The following L3MBTL2 variants were observed in gnomAD, a reference collection of about 807,000 sequenced individuals.
L3MBTL2 encodes the protein lethal(3)malignant brain tumor-like protein 2.
A neutral mutation model predicts 86.4 loss-of-function variants in L3MBTL2; 49 were observed. The ratio of observed to expected loss-of-function variants is 0.57; its 90% confidence interval spans 0.45 to 0.72. The LOEUF (loss-of-function observed/expected upper bound fraction) is 0.72, where lower values mean the gene tolerates loss of function less well. L3MBTL2 is among the 30% of genes least tolerant of loss of function. The pLI is 0.00. For missense variants in L3MBTL2, 755 were observed against 923.7 expected (o/e 0.82, Z 2.37); for synonymous variants, 336 against 350.6 (o/e 0.96, Z 0.47).
intron 1 of L3MBTL2, among the ~76,000 whole-genome samples, chr22:41,207,483 A>G (rs963937027): frequency 6.6e-6 from 1 of 151,868 alleles, no homozygotes; most frequent in Non-Finnish European, 1.5e-5. Flanking sequence ...TCGGCCTCCC[A>G]AAGTGCTGGG....
At chr22:41,220,652 C>T (rs537357841) in intron 6 of L3MBTL2, 82 bp from the exon 7 acceptor site, 20 of 1,406,672 alleles carry the variant, frequency 1.4e-5, no homozygotes, top group Middle Eastern at 2.5e-4. Context: ...AGCAAGACTT[C>T]GTCTCAGAAA....
intron 12 of L3MBTL2, 123 bp from the exon 13 acceptor site, chr22:41,226,539 G>C: frequency 2.7e-6 from 2 of 736,668 alleles, no homozygotes; most frequent in Non-Finnish European, 4.9e-6. Flanking sequence ...GAAGAAGGCT[G>C]CTGGGGAGAC....
At position 41,224,212 on chromosome 22, in the gene L3MBTL2, G is replaced by A; in HGVS notation, c.1135G>A (p.Gly379Ser). The part of the protein sequence containing the change: ...HMWSPLIHPV[G>S]WSRRVGHGIK... ...GTGGAGCCCCCTGATCCACCCAGTG[G>A]GTTGGTCACGACGTGTGGGCCACGG... Residue 379 changes from glycine to serine, a missense_variant, in exon 9 of 17, where the codon GGT becomes AGT. Physicochemically the swap from Gly to Ser is moderately conservative, Grantham distance 56 (BLOSUM62 0). Around this residue, in one of 3 missense-constraint regions of L3MBTL2, gnomAD observed 634 missense variants for 748.9 expected, o/e 0.85. Transcript: ENST00000216237. This position sits in a 1 kb window ranked among gnomAD's most constrained non-coding sequence, Gnocchi z 4.9. 8 of 1,613,844 alleles carry A rather than the reference G, an allele frequency of 5.0e-6. No homozygotes were observed. Among genetic ancestry groups the A allele is most frequent in the Non-Finnish European group, 6.8e-6 (8 of 1,179,858 alleles).
Position 41,227,391 on chromosome 22 carries a change from C to T in L3MBTL2, c.1822+68C>T. On this transcript the variant is annotated intron_variant, in intron 14 of 16. Coordinates refer to ENST00000216237, the MANE Select transcript of L3MBTL2 (RefSeq NM_031488.5). The surrounding 1 kb of genome is among the most constrained non-coding windows in gnomAD (Gnocchi z 6.0). The stretch of plus-strand genomic sequence containing the variant: ...TCTTCTTTTTTCCTTCTTCCCCCGC[C>T]CCTGTGCCCATCTCCGTTCTTTGGC... 1 of 1,436,708 alleles carries T rather than the reference C, an allele frequency of 7.0e-7. No homozygotes were observed. The highest frequency in any genetic ancestry group is 9.6e-7 in the Non-Finnish European group (1 of 1,044,524). The allele number at this position is 1,436,708 out of a possible 1,614,324, so 89.0% of individuals were successfully genotyped here. A position where few individuals can be genotyped will look rare whatever the true frequency, so the allele number is the denominator to read the frequency against.
In L3MBTL2 at chr22:41,224,713, TCTC is replaced by T. The variant is rs770771985; in HGVS notation, c.1175-7_1175-5del. The T allele has an allele frequency of 2.5e-6, 4 of 1,607,534 alleles. No individual in the cohort carries two copies. In the African/African-American group the frequency reaches 4.0e-5, roughly 16 times the overall value. ...CCTTCTCTCCCTCATTCCCTATCCATCTCCTCCAAAGAGAGGCGAAGTGACATG... is the reference window on the plus strand; with the variant it reads ...CCTTCTCTCCCTCATTCCCTATCCATCTCCAAAGAGAGGCGAAGTGACATG... On this transcript the variant is annotated splice_polypyrimidine_tract_variant and intron_variant, in intron 9 of 16. Coordinates refer to ENST00000216237, the MANE Select transcript of L3MBTL2 (RefSeq NM_031488.5). The surrounding 1 kb of genome is among the most constrained non-coding windows in gnomAD (Gnocchi z 4.9).
Position 41,227,152 on chromosome 22 carries a change from CG to C in L3MBTL2, c.1653del (p.Leu552SerfsTer7). ...GGAGGCCGTGGACCTGATGGAGCCCCGGCTCATCTGTGTGGCCACGGTGAAA... is the reference window on the plus strand; with the variant it reads ...GGAGGCCGTGGACCTGATGGAGCCCCGCTCATCTGTGTGGCCACGGTGAAA... Reference protein sequence around the residue: ...KLEAVDLMEPRLICVATVKRV... With the variant: ...KLEAVDLMEPXLICVATVKRV... On this transcript the variant is annotated frameshift_variant, in exon 14 of 17. Transcript: ENST00000216237. LOFTEE classifies it high-confidence loss of function. This position sits in a 1 kb window ranked among gnomAD's most constrained non-coding sequence, Gnocchi z 6.0. The C allele has an allele frequency of 6.2e-7, 1 of 1,613,698 alleles. No homozygotes were observed. Among genetic ancestry groups the C allele is most frequent in the Non-Finnish European group, 8.5e-7 (1 of 1,180,002 alleles).
chr22:41,213,373 A>G (rs905783703), intron 2 of L3MBTL2, among the ~76,000 whole-genome samples: 4 of 151,606 alleles, frequency 2.6e-5, no homozygotes, highest in Non-Finnish European at 5.9e-5. Flanking sequence ...TGCCCAGGCT[A>G]GAGGTACAGT....
intron 2 of L3MBTL2, among the ~76,000 whole-genome samples, chr22:41,211,557 C>CTT (rs71200672): frequency 1.0e-5 from 1 of 97,356 alleles, no homozygotes; most frequent in Non-Finnish European, 2.0e-5. Flanking sequence ...ATCTTATTTC[C>CTT]TTTTTTTTTT....
intron 13 of L3MBTL2, 105 bp downstream of exon 13, chr22:41,226,849 T>G (rs945244237): frequency 9.9e-6 from 9 of 905,138 alleles, no homozygotes; most frequent in African/African-American, 8.4e-5. Context: ...GAATCTCTAC[T>G]GCTGACATCA....
intron 6 of L3MBTL2, 109 bp downstream of exon 6, chr22:41,219,645 C>T (rs2031668507): frequency 1.4e-6 from 1 of 702,490 alleles, no homozygotes; most frequent in African/African-American, 1.8e-5. Flanking sequence ...AAAATCCCAC[C>T]CACTGGAATT....
At chr22:41,209,183 A>C (rs2030506390) in intron 1 of L3MBTL2, 1 of 157,512 alleles carries the variant, frequency 6.3e-6, no homozygotes, top group South Asian at 1.9e-4. Context: ...GGCCCACTAC[A>C]ACCTTTGCCT....
In L3MBTL2 at chr22:41,230,164, G is replaced by A. The variant is rs765419035; in HGVS notation, c.2031G>A (p.Glu677=). The A allele has an allele frequency of 3.8e-6, 6 of 1,567,062 alleles. No homozygotes were observed. In the South Asian group the frequency reaches 5.5e-5, roughly 14 times the overall value. ...TCATTGCTGTGCGTGTGAAGGAAGA[G>A]CATCTAGACGTGGCCTCGCCCGACA... ...GEIIAVRVKE[E]HLDVASPDKA... The change falls in exon 17 of 17, where the codon GAG becomes GAA. Residue 677 remains glutamate, a synonymous_variant. Coordinates refer to ENST00000216237, the MANE Select transcript of L3MBTL2 (RefSeq NM_031488.5).
intron 2 of L3MBTL2, among the ~76,000 whole-genome samples, chr22:41,211,494 C>G (rs2030787053): frequency 6.6e-6 from 1 of 151,440 alleles, no homozygotes; most frequent in Non-Finnish European, 1.5e-5. Flanking sequence ...CATGAGCCAC[C>G]GCACCCAGCC....
At chr22:41,213,795 C>G in intron 2 of L3MBTL2, 98 bp from the exon 3 acceptor site, 2 of 1,373,720 alleles carry the variant, frequency 1.5e-6, no homozygotes, top group East Asian at 2.3e-5. Flanking sequence ...CAGGGGCTCA[C>G]CTGGTTAATG....
intron 1 of L3MBTL2, among the ~76,000 whole-genome samples, chr22:41,208,736 C>T (rs1367404448): frequency 1.3e-5 from 2 of 152,004 alleles, no homozygotes; most frequent in Admixed American, 6.6e-5. Context: ...GTATATTGAA[C>T]GGGGAAGAAT....
At chr22:41,214,871 C>T (rs2031211880) in intron 3 of L3MBTL2, among the ~76,000 whole-genome samples, 1 of 152,092 alleles carries the variant, frequency 6.6e-6, no homozygotes, top group African/African-American at 2.4e-5. Flanking sequence ...ATTAGCCAGG[C>T]GTGGTGTTGT....
rs772937072 is a variant in L3MBTL2 at position 41,209,945 on chromosome 22, G to A, written c.262+12G>A. The A allele has an allele frequency of 9.3e-6, 15 of 1,612,536 alleles. No homozygotes were observed. The Admixed American group carries it at 2.3e-4, about 25-fold the overall frequency. ...TGGTTCTGAGCCAGGTGCCTTCAGA[G>A]TGTCCCCTGAGGATGGAGAGGAGAT... is the stretch of plus-strand genomic sequence containing the variant. On this transcript the variant is annotated intron_variant, in intron 2 of 16. Coordinates refer to ENST00000216237, the MANE Select transcript of L3MBTL2 (RefSeq NM_031488.5).
chr22:41,223,029 G>A (rs754071339), intron 8 of L3MBTL2, among the ~76,000 whole-genome samples: 3 of 152,168 alleles, frequency 2.0e-5, no homozygotes, highest in South Asian at 2.1e-4. Context: ...GAGGGGCCCC[G>A]AGCCAGGCCT....
At chr22:41,219,564 G>C in intron 6 of L3MBTL2, 28 bp downstream of exon 6, 3 of 1,417,510 alleles carry the variant, frequency 2.1e-6, no homozygotes, top group Non-Finnish European at 2.0e-6. Flanking sequence ...GCAGGGCCAG[G>C]GATGTGTCTG....
Sources: allele counts gnomAD v4.1 joint callset (sites outside exome capture counted in the v4.1 genomes callset), GRCh38; gene constraint gnomAD v4.1.1; regional missense constraint gnomAD v4.1.1; non-coding constraint Gnocchi (gnomAD v3.1); transcripts MANE v1.5; gene names NCBI Gene and HGNC (gene_info 2026-07-23, HGNC 2026-07-21).